The following LOC128462377 variants were observed in gnomAD, a reference collection of about 807,000 sequenced individuals.
the LOC128462377 span, among the ~76,000 whole-genome samples, chr16:89,379,779 C>T: frequency 6.6e-6 from 1 of 152,082 alleles, no homozygotes; most frequent in East Asian, 1.9e-4. Context: ...GTACAACGGG[C>T]AAAGAAGATG....
the LOC128462377 span, chr16:89,418,261 T>TA: frequency 1.5e-5 from 7 of 452,882 alleles, no homozygotes; most frequent in South Asian, 1.1e-4. Flanking sequence ...CATAAATTGA[T>TA]AGAGAATGCA....
At chr16:89,396,957 TGGG>T in the LOC128462377 span, among the ~76,000 whole-genome samples, 1 of 108,636 alleles carries the variant, frequency 9.2e-6, no homozygotes, top group Non-Finnish European at 2.2e-5. Context: ...AGAGCACTGG[TGGG>T]ATTATAGGCA....
At chr16:89,368,255 G>A in the LOC128462377 span, among the ~76,000 whole-genome samples, 3 of 151,300 alleles carry the variant, frequency 2.0e-5, no homozygotes, top group Non-Finnish European at 4.4e-5. Flanking sequence ...GACTGCAGTG[G>A]CACAATCTCG....
the LOC128462377 span, among the ~76,000 whole-genome samples, chr16:89,370,941 A>AC: frequency 1.3e-5 from 2 of 152,234 alleles, no homozygotes; most frequent in Admixed American, 1.3e-4. Flanking sequence ...GACGCCCAAG[A>AC]ACCAAGCCCT....
the LOC128462377 span, among the ~76,000 whole-genome samples, chr16:89,350,982 A>G: frequency 1.3e-5 from 2 of 152,312 alleles, no homozygotes; most frequent in African/African-American, 4.8e-5. Context: ...TGCCTTCTGG[A>G]TCTGGGTACG....
the LOC128462377 span, among the ~76,000 whole-genome samples, chr16:89,365,714 G>GT: frequency 1.2e-3 from 183 of 151,982 alleles, no homozygotes; most frequent in Admixed American, 2.4e-3. Flanking sequence ...GAAACCCAAC[G>GT]TTTTTTTTAA....
At chr16:89,359,291 A>G in the LOC128462377 span, among the ~76,000 whole-genome samples, 2 of 152,166 alleles carry the variant, frequency 1.3e-5, no homozygotes, top group South Asian at 4.1e-4. Context: ...TATTTTTAGT[A>G]AAGACTCCAG....
the LOC128462377 span, among the ~76,000 whole-genome samples, chr16:89,370,066 G>C: frequency 6.6e-6 from 1 of 152,202 alleles, no homozygotes; most frequent in Non-Finnish European, 1.5e-5. Flanking sequence ...TGGCTTCAGA[G>C]CTCTCACTGA....
chr16:89,378,043 T>C, the LOC128462377 span, among the ~76,000 whole-genome samples: 4 of 152,268 alleles, frequency 2.6e-5, no homozygotes, highest in African/African-American at 7.2e-5. Flanking sequence ...GAATACAGTA[T>C]ACAATACATA....
the LOC128462377 span, among the ~76,000 whole-genome samples, chr16:89,342,639 A>G: frequency 2.0e-5 from 3 of 152,238 alleles, no homozygotes; most frequent in African/African-American, 7.2e-5. Context: ...TAAATCCCCA[A>G]GTATGAGCTG....
At chr16:89,410,875 C>T in the LOC128462377 span, among the ~76,000 whole-genome samples, 5 of 152,098 alleles carry the variant, frequency 3.3e-5, no homozygotes, top group East Asian at 1.9e-4. Flanking sequence ...ACCACATGTG[C>T]GTGAACACGT....
chr16:89,354,942 G>C, the LOC128462377 span, among the ~76,000 whole-genome samples: 664 of 152,236 alleles, frequency 4.4e-3, 7 homozygotes, highest in African/African-American at 0.015. Context: ...CTTTGGCAAA[G>C]AAAATGCCCC....
the LOC128462377 span, among the ~76,000 whole-genome samples, chr16:89,384,907 T>TTTTTTTTTTTTTTTTTA: frequency 1.2e-5 from 1 of 85,792 alleles, no homozygotes; most frequent in African/African-American, 4.1e-5. Flanking sequence ...TTTTTTTTTT[T>TTTTTTTTTTTTTTTTTA]GAGACTACGT....
At chr16:89,363,188 T>C in the LOC128462377 span, among the ~76,000 whole-genome samples, 5 of 152,190 alleles carry the variant, frequency 3.3e-5, no homozygotes, top group Non-Finnish European at 5.9e-5. Context: ...ATATACGATG[T>C]TTCCAGATAA....
the LOC128462377 span, among the ~76,000 whole-genome samples, chr16:89,367,344 G>A: frequency 1.3e-5 from 2 of 152,216 alleles, no homozygotes; most frequent in African/African-American, 2.4e-5. Flanking sequence ...CAGTGGCGGC[G>A]CCCAGAGCGG....
At chr16:89,371,738 T>TC in the LOC128462377 span, among the ~76,000 whole-genome samples, 9 of 152,120 alleles carry the variant, frequency 5.9e-5, no homozygotes, top group Non-Finnish European at 5.9e-5. Context: ...CGATGCGGAC[T>TC]CCCTCCTGCA....
chr16:89,386,184 G>A, the LOC128462377 span, among the ~76,000 whole-genome samples: 1 of 152,046 alleles, frequency 6.6e-6, no homozygotes, highest in African/African-American at 2.4e-5. Flanking sequence ...ATCTTTTAAT[G>A]TAAGTTTAAA....
the LOC128462377 span, among the ~76,000 whole-genome samples, chr16:89,326,240 G>A: frequency 1.8e-4 from 28 of 152,318 alleles, no homozygotes; most frequent in East Asian, 4.6e-3. Flanking sequence ...CAAGGCTTGC[G>A]AGGGTGGAAA....
the LOC128462377 span, among the ~76,000 whole-genome samples, chr16:89,401,846 G>T: frequency 6.6e-6 from 1 of 152,102 alleles, no homozygotes; most frequent in Non-Finnish European, 1.5e-5. Context: ...ACAAGCCCGG[G>T]CGCACCAGAG....
Sources: gnomAD v4.1 joint callset for allele counts (sites outside exome capture counted in the v4.1 genomes callset) on GRCh38, gnomAD v4.1.1 for gene constraint, MANE v1.5 for transcripts.